The following DLGAP1 variants were observed in gnomAD, a reference collection of about 807,000 sequenced individuals.
DLGAP1 encodes DLG associated protein 1, also known as disks large-associated protein 1.
DLGAP1 carries 11 observed loss-of-function variants against 90.8 expected under a neutral mutation model. The observed-to-expected ratio is 0.12, with a 90% CI of 0.08 to 0.20. DLGAP1 has a LOEUF of 0.20. Among genes scored for constraint, DLGAP1 ranks in the 10% least tolerant of loss-of-function variants. DLGAP1 has a pLI of 1.00. For missense variants in DLGAP1, 1,050 were observed against 1,333.8 expected, an observed-to-expected ratio of 0.79 and a Z score of 3.31; for synonymous variants, 558 against 540.7, an observed-to-expected ratio of 1.03 and a Z score of -0.44.
chr18:3,687,166 G>A (rs770216806), intron 7 of DLGAP1, among the ~76,000 whole-genome samples: 7 of 152,184 alleles, frequency 4.6e-5, no homozygotes, highest in African/African-American at 7.2e-5. Context: ...GACCTGTATC[G>A]GACTTCTGAC....
intron 4 of DLGAP1, among the ~76,000 whole-genome samples, chr18:3,824,333 A>G (rs556849253): frequency 6.6e-6 from 1 of 152,334 alleles, no homozygotes; most frequent in Non-Finnish European, 1.5e-5. Context: ...ATGTGGAAAC[A>G]TCATTCATCA....
intron 2 of DLGAP1, among the ~76,000 whole-genome samples, chr18:4,073,660 T>C (rs548660379): frequency 1.3e-5 from 2 of 152,284 alleles, no homozygotes; most frequent in Admixed American, 1.3e-4. Context: ...AAAAACTAAG[T>C]GGATAGAAAC....
intron 7 of DLGAP1, among the ~76,000 whole-genome samples, chr18:3,625,781 A>T (rs767578740): frequency 1.3e-5 from 2 of 152,258 alleles, no homozygotes; most frequent in South Asian, 4.1e-4. Context: ...ACACAATGCA[A>T]CTATCACTGT....
At chr18:3,675,975 G>A (rs1261572673) in intron 7 of DLGAP1, among the ~76,000 whole-genome samples, 2 of 152,218 alleles carry the variant, frequency 1.3e-5, no homozygotes, top group African/African-American at 2.4e-5. Context: ...GTGAGGGTAC[G>A]GAAGTCCTTG....
At chr18:4,120,786 CTCTCCCTCCCTCCT>C (rs2076141481) in intron 2 of DLGAP1, among the ~76,000 whole-genome samples, 1 of 142,774 alleles carries the variant, frequency 7.0e-6, no homozygotes, top group Non-Finnish European at 1.5e-5. Flanking sequence ...CTCTCTCTCC[CTCTCCCTCCCTCCT>C]TCTCTCCTCT....
intron 1 of DLGAP1, among the ~76,000 whole-genome samples, chr18:4,432,781 C>G (rs1268556407): frequency 6.6e-6 from 1 of 152,070 alleles, no homozygotes; most frequent in African/African-American, 2.4e-5. Context: ...CTCTCTATGC[C>G]CCTCACCAGC....
At chr18:3,773,953 G>A (rs764261579) in intron 5 of DLGAP1, among the ~76,000 whole-genome samples, 76 of 152,198 alleles carry the variant, frequency 5.0e-4, no homozygotes, top group Non-Finnish European at 9.3e-4. Context: ...GCTGGGAAAT[G>A]AGACTTCTTT....
chr18:3,856,061 T>A (rs1223728949), intron 4 of DLGAP1, among the ~76,000 whole-genome samples: 3 of 152,188 alleles, frequency 2.0e-5, no homozygotes. Flanking sequence ...AGATCACTGG[T>A]AATATGTGCA....
chr18:4,402,924 T>C (rs1276718195), intron 1 of DLGAP1, among the ~76,000 whole-genome samples: 4 of 152,134 alleles, frequency 2.6e-5, no homozygotes, highest in Non-Finnish European at 4.4e-5. Flanking sequence ...TCCAACAATA[T>C]TGTACACTCT....
chr18:3,590,077 AT>A (rs1416845209), intron 7 of DLGAP1, among the ~76,000 whole-genome samples: 2 of 151,862 alleles, frequency 1.3e-5, no homozygotes, highest in South Asian at 4.2e-4. Context: ...CACCAGGCTA[AT>A]TTTTTTTATT....
At chr18:4,127,848 T>C (rs189546354) in intron 2 of DLGAP1, among the ~76,000 whole-genome samples, 12 of 152,298 alleles carry the variant, frequency 7.9e-5, no homozygotes, top group African/African-American at 2.6e-4. Context: ...TCAATTAAAT[T>C]ATCCAATCAC....
intron 1 of DLGAP1, among the ~76,000 whole-genome samples, chr18:4,166,072 T>C (rs773240304): frequency 6.6e-5 from 10 of 152,034 alleles, no homozygotes; most frequent in Non-Finnish European, 1.5e-4. Flanking sequence ...GGTAGAAAGA[T>C]CACTTGAGTT....
At chr18:3,804,179 T>G (rs1183561695) in intron 5 of DLGAP1, among the ~76,000 whole-genome samples, 5 of 151,920 alleles carry the variant, frequency 3.3e-5, no homozygotes, top group Admixed American at 1.3e-4. Context: ...GAAATGGGGT[T>G]TTGCCATATT....
chr18:4,403,769 G>GT (rs2082606629), intron 1 of DLGAP1, among the ~76,000 whole-genome samples: 1 of 150,730 alleles, frequency 6.6e-6, no homozygotes, highest in Non-Finnish European at 1.5e-5. Context: ...TTTTTATTAT[G>GT]TTTTTTCTTG....
At chr18:4,022,041 A>G (rs2074619309) in intron 2 of DLGAP1, among the ~76,000 whole-genome samples, 1 of 152,196 alleles carries the variant, frequency 6.6e-6, no homozygotes, top group African/African-American at 2.4e-5. Context: ...CTTTAAAACT[A>G]CAGTAAGTTC....
chr18:3,938,918 A>C (rs1384844271), intron 3 of DLGAP1, among the ~76,000 whole-genome samples: 5 of 152,170 alleles, frequency 3.3e-5, no homozygotes, highest in African/African-American at 1.2e-4. Flanking sequence ...CTTGAACTAG[A>C]AAAGGGACAG....
intron 5 of DLGAP1, among the ~76,000 whole-genome samples, chr18:3,772,408 C>CTCTCTTTCTT (rs1568109802): frequency 3.2e-5 from 1 of 31,034 alleles, no homozygotes; most frequent in Non-Finnish European, 8.0e-5. Context: ...TTCTTTCTTT[C>CTCTCTTTCTT]TCTTTCTTTC....
intron 9 of DLGAP1, among the ~76,000 whole-genome samples, chr18:3,550,133 C>T (rs1444751483): frequency 1.3e-5 from 2 of 151,696 alleles, no homozygotes; most frequent in Non-Finnish European, 2.9e-5. Flanking sequence ...AGGCTGGTCT[C>T]GAACTCCTGA....
intron 2 of DLGAP1, among the ~76,000 whole-genome samples, chr18:4,010,592 A>G (rs1463432924): frequency 2.0e-5 from 3 of 152,184 alleles, no homozygotes; most frequent in Non-Finnish European, 4.4e-5. Context: ...ATGAGAATGA[A>G]GCATTTGAGG....
Sources: allele counts gnomAD v4.1 joint callset (sites outside exome capture counted in the v4.1 genomes callset), GRCh38; gene constraint gnomAD v4.1.1; transcripts MANE v1.5; gene names NCBI Gene and HGNC (gene_info 2026-07-23, HGNC 2026-07-21).